Variants in TUSC3 observed in about 807,000 individuals in gnomAD.
The protein encoded by TUSC3 is dolichyl-diphosphooligosaccharide--protein glycosyltransferase subunit TUSC3.
TUSC3 carries 45 observed loss-of-function variants against 44.8 expected under a neutral mutation model. That is an observed-to-expected ratio of 1.00 (90% confidence interval 0.79 to 1.29). The LOEUF (loss-of-function observed/expected upper bound fraction) is 1.29, where lower values mean the gene tolerates loss of function less well. TUSC3 is among the 50% of genes most tolerant of loss of function. The pLI, the probability that TUSC3 is intolerant of heterozygous loss-of-function variation, is 0.00. For synonymous variants in TUSC3, 212 were observed against 152.9 expected (o/e 1.39, Z -2.85); for missense variants, 519 against 437.9 (o/e 1.19, Z -1.65).
chr8:15,577,641 T>A (rs1803168584), intron 1 of TUSC3, among the ~76,000 whole-genome samples: 3 of 147,674 alleles, frequency 2.0e-5, no homozygotes, highest in African/African-American at 7.5e-5. Context: ...CGGTGTTATT[T>A]CTGAGGGCTC....
chr8:15,554,913 A>T (rs552835697), intron 1 of TUSC3, among the ~76,000 whole-genome samples: 1 of 151,324 alleles, frequency 6.6e-6, no homozygotes, highest in East Asian at 2.0e-4. Flanking sequence ...CCAACATTTT[A>T]TTATAATTTT....
At chr8:15,733,269 T>G in intron 7 of TUSC3, 1 of 312,574 alleles carries the variant, frequency 3.2e-6, no homozygotes, top group Non-Finnish European at 6.1e-6. Context: ...CATGTTAACA[T>G]TAAAGCAAAT....
At chr8:15,811,012 G>A in the TUSC3 span, among the ~76,000 whole-genome samples, 12 of 152,180 alleles carry the variant, frequency 7.9e-5, no homozygotes, top group Non-Finnish European at 1.6e-4. Flanking sequence ...CAGTTTCTGA[G>A]TTAAATAAGA....
At chr8:15,523,566 T>C (rs1309358860) in intron 2 of TUSC3, among the ~76,000 whole-genome samples, 1 of 150,312 alleles carries the variant, frequency 6.7e-6, no homozygotes, top group African/African-American at 2.5e-5. Flanking sequence ...AATTTTTGCT[T>C]AAATAATAAA....
intron 6 of TUSC3, among the ~76,000 whole-genome samples, chr8:15,727,189 G>T (rs866296837): frequency 3.3e-5 from 5 of 152,018 alleles, no homozygotes; most frequent in African/African-American, 7.2e-5. Context: ...GCTTAAAATC[G>T]CAGACCTAAG....
chr8:15,446,013 GC>G (rs1226603051), intron 1 of TUSC3, among the ~76,000 whole-genome samples: 3 of 151,552 alleles, frequency 2.0e-5, no homozygotes, highest in African/African-American at 7.3e-5. Flanking sequence ...TCCCAGACGG[GC>G]CGGCTGCCGG....
chr8:15,504,634 T>C (rs1430119835), intron 2 of TUSC3, among the ~76,000 whole-genome samples: 1 of 106,938 alleles, frequency 9.4e-6, no homozygotes, highest in African/African-American at 2.8e-5. Flanking sequence ...TTTTTTTTTT[T>C]TTTTTTTTAA....
chr8:15,435,968 G>A (rs1173153493), intron 1 of TUSC3, among the ~76,000 whole-genome samples: 1 of 152,194 alleles, frequency 6.6e-6, no homozygotes, highest in Non-Finnish European at 1.5e-5. Context: ...AGTCTTTTCT[G>A]AAGCAGAATC....
intron 2 of TUSC3, among the ~76,000 whole-genome samples, chr8:15,484,049 T>C (rs927443918): frequency 3.3e-5 from 5 of 152,216 alleles, no homozygotes; most frequent in African/African-American, 1.2e-4. Flanking sequence ...ACCGTATTAG[T>C]ATGTATGTTA....
the TUSC3 span, among the ~76,000 whole-genome samples, chr8:15,775,094 A>C: frequency 6.6e-6 from 1 of 152,208 alleles, no homozygotes; most frequent in East Asian, 1.9e-4. Context: ...TGGATAAACA[A>C]AATTGATATA....
chr8:15,625,054 G>A (rs1275120147), intron 2 of TUSC3, among the ~76,000 whole-genome samples: 1 of 152,078 alleles, frequency 6.6e-6, no homozygotes, highest in Non-Finnish European at 1.5e-5. Context: ...TTTGCTGACA[G>A]TTTTTATCAT....
At chr8:15,621,961 G>A (rs116726004) in intron 1 of TUSC3, among the ~76,000 whole-genome samples, 131 of 152,108 alleles carry the variant, frequency 8.6e-4, no homozygotes, top group African/African-American at 3.1e-3. Context: ...TGGGTGCAAA[G>A]CACTGCAACA....
At chr8:15,742,949 A>G (rs1811256703) in intron 7 of TUSC3, among the ~76,000 whole-genome samples, 1 of 152,200 alleles carries the variant, frequency 6.6e-6, no homozygotes, top group African/African-American at 2.4e-5. Context: ...TAATTTTGTG[A>G]TCTCATTCTT....
intron 2 of TUSC3, among the ~76,000 whole-genome samples, chr8:15,525,927 G>C (rs1470688694): frequency 6.6e-6 from 1 of 152,196 alleles, no homozygotes; most frequent in Non-Finnish European, 1.5e-5. Context: ...CAAAAACTGG[G>C]AAGCAGAACT....
chr8:15,452,112 A>G (rs1487960901), intron 1 of TUSC3, among the ~76,000 whole-genome samples: 3 of 152,180 alleles, frequency 2.0e-5, no homozygotes, highest in Non-Finnish European at 4.4e-5. Flanking sequence ...TTTAATGGTA[A>G]TAGTGTTTTA....
chr8:15,618,974 T>C (rs1408870574), intron 1 of TUSC3, among the ~76,000 whole-genome samples: 1 of 152,234 alleles, frequency 6.6e-6, no homozygotes, highest in Non-Finnish European at 1.5e-5. Context: ...TGACTGTATT[T>C]CTGTGGGTTT....
At chr8:15,546,750 G>A (rs1007708343) in intron 1 of TUSC3, among the ~76,000 whole-genome samples, 1 of 151,488 alleles carries the variant, frequency 6.6e-6, no homozygotes, top group Non-Finnish European at 1.5e-5. Flanking sequence ...GGTCAGGCTG[G>A]TCTGTAACTC....
intron 8 of TUSC3, among the ~76,000 whole-genome samples, chr8:15,748,070 A>G (rs1811498564): frequency 6.6e-6 from 1 of 152,134 alleles, no homozygotes; most frequent in Non-Finnish European, 1.5e-5. Context: ...GCATGTTAGT[A>G]CTTGTAAGAA....
intron 2 of TUSC3, among the ~76,000 whole-genome samples, chr8:15,495,619 A>G (rs1800870737): frequency 6.6e-6 from 1 of 151,988 alleles, no homozygotes; most frequent in Non-Finnish European, 1.5e-5. Flanking sequence ...GCACAATTCT[A>G]CCCAAGAAAA....
Sources: gnomAD v4.1 joint callset for allele counts (sites outside exome capture counted in the v4.1 genomes callset) on GRCh38, gnomAD v4.1.1 for gene constraint, MANE v1.5 for transcripts, NCBI Gene and HGNC (gene_info 2026-07-23, HGNC 2026-07-21) for gene names.